SIPA1L3: variants seen among roughly 807,000 people sequenced by gnomAD.
SIPA1L3 encodes the protein signal-induced proliferation-associated 1-like protein 3.
A neutral mutation model predicts 150.1 loss-of-function variants in SIPA1L3; 59 were observed. The ratio of observed to expected loss-of-function variants is 0.39; its 90% CI spans 0.32 to 0.49. The LOEUF (loss-of-function observed/expected upper bound fraction) is 0.49, where lower values mean the gene tolerates loss of function less well. Among genes scored for constraint, SIPA1L3 ranks in the 20% least tolerant of loss-of-function variants. The probability of loss-of-function intolerance (pLI) is 0.86; values close to 1 mark genes in which losing one functional copy is unlikely to be tolerated. For synonymous variants in SIPA1L3, 1,070 were observed against 1,077.6 expected, an observed-to-expected ratio of 0.99 and a Z score of 0.14; for missense variants, 2,211 against 2,489.5, an observed-to-expected ratio of 0.89 and a Z score of 2.38.
intron 2 of SIPA1L3, among the ~76,000 whole-genome samples, chr19:38,061,895 T>C (rs1969452680): frequency 6.6e-6 from 1 of 150,758 alleles, no homozygotes; most frequent in Admixed American, 6.7e-5. Flanking sequence ...TTTTTTTTCA[T>C]GGATTCAGAA....
At chr19:38,199,057 G>A (rs1212057956) in intron 19 of SIPA1L3, among the ~76,000 whole-genome samples, 1 of 152,236 alleles carries the variant, frequency 6.6e-6, no homozygotes, top group African/African-American at 2.4e-5. Context: ...GTGCCCTGAG[G>A]GTCCTGCCAA....
chr19:38,089,328 CAAAA>C (rs55806031), intron 4 of SIPA1L3, among the ~76,000 whole-genome samples: 1 of 64,286 alleles, frequency 1.6e-5, no homozygotes. Flanking sequence ...GACTGTGTCT[CAAAA>C]AAAAAAAAAA....
At chr19:37,968,281 C>T (rs1385362625) in intron 1 of SIPA1L3, among the ~76,000 whole-genome samples, 4 of 152,206 alleles carry the variant, frequency 2.6e-5, no homozygotes, top group Admixed American at 1.3e-4. Context: ...CCATATTGGC[C>T]AGGAGGGTCT....
chr19:37,997,863 T>A (rs1157044301), intron 1 of SIPA1L3, among the ~76,000 whole-genome samples: 6 of 117,174 alleles, frequency 5.1e-5, no homozygotes, highest in African/African-American at 1.5e-4. Flanking sequence ...AGACTCCATC[T>A]CAAAAAAAAA....
At chr19:38,181,204 G>A (rs527257404) in intron 15 of SIPA1L3, among the ~76,000 whole-genome samples, 1 of 152,164 alleles carries the variant, frequency 6.6e-6, no homozygotes, top group Non-Finnish European at 1.5e-5. Context: ...GTCAATTTTC[G>A]GAGTACTGAA....
intron 1 of SIPA1L3, among the ~76,000 whole-genome samples, chr19:37,950,292 G>A (rs1385122412): frequency 6.6e-6 from 1 of 152,116 alleles, no homozygotes; most frequent in Non-Finnish European, 1.5e-5. Context: ...CTGATACACA[G>A]TAAGCACTCA....
intron 15 of SIPA1L3, among the ~76,000 whole-genome samples, chr19:38,178,274 G>A (rs1972486196): frequency 6.6e-6 from 1 of 151,504 alleles, no homozygotes; most frequent in Admixed American, 6.6e-5. Flanking sequence ...AGGCTGGGGT[G>A]GGAGGATCAT....
chr19:38,044,558 G>A (rs955008069), intron 2 of SIPA1L3, among the ~76,000 whole-genome samples: 1 of 152,178 alleles, frequency 6.6e-6, no homozygotes, highest in Non-Finnish European at 1.5e-5. Flanking sequence ...GCTGAAGGGA[G>A]CAGGTTCAAG....
chr19:38,024,349 A>G (rs1293127950), intron 1 of SIPA1L3, among the ~76,000 whole-genome samples: 1 of 152,182 alleles, frequency 6.6e-6, no homozygotes. Context: ...GTCTTGTGGA[A>G]CTTTTGACAG....
At chr19:38,152,644 C>T (rs1296133655) in intron 12 of SIPA1L3, among the ~76,000 whole-genome samples, 196 bp from the exon 13 acceptor site, 1 of 152,168 alleles carries the variant, frequency 6.6e-6, no homozygotes, top group Non-Finnish European at 1.5e-5. Context: ...CCAGGCGAGA[C>T]TCTCATCCCG....
intron 1 of SIPA1L3, among the ~76,000 whole-genome samples, chr19:37,963,513 A>C (rs1374491464): frequency 6.6e-6 from 1 of 152,250 alleles, no homozygotes; most frequent in East Asian, 1.9e-4. Context: ...GTCCAGCCAC[A>C]AAGTTTTCAT....
In SIPA1L3 at chr19:38,197,071, C is replaced by T. The variant is rs1453598733; in HGVS notation, c.4841-1318C>T. ...GGAAGCCATGTGAGCCCAGGCAAGG[C>T]AGCGCCTCGCTCGGGTCTCAGTTTT... On this transcript the variant is annotated intron_variant, in intron 18 of 21. Transcript: ENST00000222345. Among the ~76,000 whole-genome samples, 4 of 152,140 alleles carry T rather than the reference C, an allele frequency of 2.6e-5. No individual in the cohort carries two copies. The East Asian group carries it at 5.8e-4, about 22-fold the overall frequency.
chr19:38,031,616 A>G (rs191348920), intron 2 of SIPA1L3, among the ~76,000 whole-genome samples: 5 of 152,290 alleles, frequency 3.3e-5, no homozygotes, highest in Admixed American at 6.5e-5. Flanking sequence ...TCAATGCATC[A>G]TATTTCCGGT....
chr19:38,179,327 A>G (rs1480594012), intron 15 of SIPA1L3, among the ~76,000 whole-genome samples: 1 of 152,208 alleles, frequency 6.6e-6, no homozygotes, highest in African/African-American at 2.4e-5. Context: ...CCGTAATCCC[A>G]GCTACTCAGG....
intron 9 of SIPA1L3, among the ~76,000 whole-genome samples, chr19:38,125,105 G>A (rs902807386): frequency 7.2e-4 from 109 of 151,948 alleles, no homozygotes; most frequent in African/African-American, 2.6e-3. Context: ...GAGCGATCTC[G>A]GCTCACTGCA....
chr19:37,976,782 T>TG (rs1967087942), intron 1 of SIPA1L3, among the ~76,000 whole-genome samples: 2 of 152,176 alleles, frequency 1.3e-5, no homozygotes, highest in Non-Finnish European at 2.9e-5. Context: ...GTAGAGTATG[T>TG]GGCTAGATAT....
intron 10 of SIPA1L3, 132 bp downstream of exon 10, chr19:38,130,904 G>A (rs1022479476): frequency 2.0e-6 from 2 of 979,184 alleles, no homozygotes; most frequent in Admixed American, 2.8e-5. Flanking sequence ...AGGAATAGTG[G>A]CAACAGTGAC....
At chr19:38,123,586 G>A (rs1381987570) in intron 9 of SIPA1L3, among the ~76,000 whole-genome samples, 1 of 149,672 alleles carries the variant, frequency 6.7e-6, no homozygotes, top group East Asian at 1.9e-4. Flanking sequence ...TGGGGGTAAG[G>A]TCACAGATCA....
chr19:37,953,429 G>A (rs1243640609), intron 1 of SIPA1L3, among the ~76,000 whole-genome samples: 1 of 152,042 alleles, frequency 6.6e-6, no homozygotes, highest in Admixed American at 6.6e-5. Flanking sequence ...TGACCAATTC[G>A]GAACAAAGTC....
Sources: allele counts gnomAD v4.1 joint callset (sites outside exome capture counted in the v4.1 genomes callset), GRCh38; gene constraint gnomAD v4.1.1; transcripts MANE v1.5; gene names NCBI Gene and HGNC (gene_info 2026-07-23, HGNC 2026-07-21).